BCAS3: variants seen among roughly 807,000 people sequenced by gnomAD.
BCAS3 encodes BCAS3 microtubule associated cell migration factor.
In BCAS3, 53 loss-of-function variants were observed where a neutral mutation model predicts 116.1. The observed-to-expected ratio is 0.46, with a 90% confidence interval of 0.37 to 0.57. The LOEUF (loss-of-function observed/expected upper bound fraction) is 0.57. Ranked by LOEUF, BCAS3 falls within the 20% of genes least tolerant of loss-of-function variation. The pLI, the probability that BCAS3 is intolerant of heterozygous loss-of-function variation, is 0.00. For missense variants in BCAS3, 917 were observed against 1,165.4 expected (o/e 0.79, Z 3.10); for synonymous variants, 391 against 408.2 (o/e 0.96, Z 0.51).
In BCAS3 at chr17:61,281,724, A is replaced by G. The variant is rs1460088727; in HGVS notation, c.2426-86603A>G. Among the ~76,000 whole-genome samples the G allele has an allele frequency of 6.6e-6, 1 of 152,068 alleles. No individual in the cohort carries two copies. Among genetic ancestry groups the G allele is most frequent in the Non-Finnish European group, 1.5e-5 (1 of 68,022 alleles). ...TATATACTAAGCAAATTAGCACTCT[A>G]TCATATATATTATAAATATTTTTCC... is the stretch of plus-strand genomic sequence containing the variant. On this transcript the variant is annotated intron_variant, in intron 22 of 23. Coordinates refer to ENST00000407086, the MANE Select transcript of BCAS3 (RefSeq NM_017679.5). This position sits in a 1 kb window ranked among gnomAD's most constrained non-coding sequence, Gnocchi z 4.2.
chr17:61,048,462 G>A (rs1371595324), intron 19 of BCAS3, among the ~76,000 whole-genome samples: 1 of 151,968 alleles, frequency 6.6e-6, no homozygotes, highest in Non-Finnish European at 1.5e-5. Context: ...GAAACCCAGG[G>A]AACTCCCTCA....
Position 61,309,257 on chromosome 17 carries a change from CA to C in BCAS3, c.2426-59068del, listed in dbSNP as rs531894111. Among the ~76,000 whole-genome samples, 3 of 152,302 alleles carry C rather than the reference CA, an allele frequency of 2.0e-5. No individual in the cohort carries two copies. In the South Asian group the frequency reaches 6.2e-4, roughly 32 times the overall value. ...TGATTTGCAAACACCTCAAAATTGT[CA>C]AGATGGAAAAGAGACCCAGAGTCCC... On this transcript the variant is annotated intron_variant, in intron 22 of 23. Coordinates refer to ENST00000407086, the MANE Select transcript of BCAS3 (RefSeq NM_017679.5). This position sits in a 1 kb window ranked among gnomAD's most constrained non-coding sequence, Gnocchi z 4.6.
intron 7 of BCAS3, chr17:60,851,371 C>G (rs1236843945): frequency 2.7e-6 from 1 of 364,298 alleles, no homozygotes; most frequent in East Asian, 8.6e-5. Context: ...CACGTCCTCC[C>G]CGCCACCAGG....
chr17:61,192,672 T>G (rs1277947559), intron 22 of BCAS3, among the ~76,000 whole-genome samples: 1 of 152,214 alleles, frequency 6.6e-6, no homozygotes, highest in Non-Finnish European at 1.5e-5. Flanking sequence ...CAGTGGCAGT[T>G]TACCACTGTC....
chr17:60,808,687 C>T (rs1165791424), intron 7 of BCAS3, among the ~76,000 whole-genome samples: 11 of 152,082 alleles, frequency 7.2e-5, no homozygotes, highest in Admixed American at 6.5e-4. Context: ...AGCACTTTGC[C>T]GGGTGTAGGA....
chr17:61,055,277 A>G (rs1264611340), intron 19 of BCAS3, among the ~76,000 whole-genome samples: 1 of 152,218 alleles, frequency 6.6e-6, no homozygotes, highest in Non-Finnish European at 1.5e-5. Flanking sequence ...GAATGCTACA[A>G]CTGTCTGCTG....
rs1343996331 is a variant in BCAS3, at chr17:61,347,742, G to A, written c.2426-20585G>A. Among the ~76,000 whole-genome samples the A allele has an allele frequency of 2.0e-5, 3 of 152,276 alleles. No homozygotes were observed. The highest frequency in any genetic ancestry group is 6.5e-5 in the Admixed American group (1 of 15,296). On this transcript the variant is annotated intron_variant, in intron 22 of 23. Transcript: ENST00000407086. This position sits in a 1 kb window ranked among gnomAD's most constrained non-coding sequence, Gnocchi z 4.3. ...GTAAGCCTAGGGTGTTGTGGGGGCC[G>A]GTAGGAAGACCTAAGTCAGACCCAG...
intron 22 of BCAS3, among the ~76,000 whole-genome samples, chr17:61,292,205 C>G (rs1481357772): frequency 6.6e-6 from 1 of 152,030 alleles, no homozygotes; most frequent in Non-Finnish European, 1.5e-5. Flanking sequence ...TAGGATCACC[C>G]CAATGTTTTC....
chr17:61,146,183 T>C (rs1236801095), intron 22 of BCAS3, among the ~76,000 whole-genome samples: 2 of 151,050 alleles, frequency 1.3e-5, no homozygotes, highest in African/African-American at 4.9e-5. Flanking sequence ...CACGGCTCAC[T>C]GCAACCTCCA....
chr17:60,945,728 G>C (rs915401508), intron 13 of BCAS3, among the ~76,000 whole-genome samples: 4 of 151,974 alleles, frequency 2.6e-5, no homozygotes, highest in African/African-American at 9.7e-5. Context: ...TTGAACCCAG[G>C]AAGTGGAGGT....
chr17:60,786,602 A>G (rs1032918713), intron 6 of BCAS3, among the ~76,000 whole-genome samples: 2 of 151,314 alleles, frequency 1.3e-5, no homozygotes, highest in African/African-American at 4.9e-5. Context: ...GAAGTATAAA[A>G]TCTATGTATA....
At chr17:61,305,008 C>T (rs774023348) in intron 22 of BCAS3, among the ~76,000 whole-genome samples, 8 of 152,188 alleles carry the variant, frequency 5.3e-5, no homozygotes, top group South Asian at 2.1e-4. Flanking sequence ...CCGCCCGCCT[C>T]GGCCTCCCAA....
intron 16 of BCAS3, among the ~76,000 whole-genome samples, chr17:61,025,048 A>G (rs980309371): frequency 6.6e-6 from 1 of 152,086 alleles, no homozygotes; most frequent in Non-Finnish European, 1.5e-5. Context: ...GTTGTATACT[A>G]TATGACAACG....
intron 6 of BCAS3, among the ~76,000 whole-genome samples, chr17:60,795,656 C>A (rs973027416): frequency 6.6e-6 from 1 of 152,138 alleles, no homozygotes; most frequent in Non-Finnish European, 1.5e-5. Context: ...AATGCTTTTT[C>A]TGCATCTATT....
chr17:60,696,724 C>A (rs576978684), intron 4 of BCAS3: 1 of 152,358 alleles, frequency 6.6e-6, no homozygotes, highest in African/African-American at 2.4e-5. Flanking sequence ...ACTCTGATTT[C>A]TTTTCCCATC....
chr17:61,018,606 A>G (rs2065652953), intron 16 of BCAS3, among the ~76,000 whole-genome samples: 1 of 151,966 alleles, frequency 6.6e-6, no homozygotes, highest in South Asian at 2.1e-4. Context: ...CCGGCCCCAA[A>G]TGTTAATAGA....
intron 22 of BCAS3, among the ~76,000 whole-genome samples, chr17:61,288,568 C>T (rs1602436757): frequency 6.6e-6 from 1 of 152,186 alleles, no homozygotes; most frequent in East Asian, 1.9e-4. Context: ...AAGTTCAGCC[C>T]AAGACCTTGA....
intron 14 of BCAS3, among the ~76,000 whole-genome samples, chr17:60,969,836 C>T (rs2061856785): frequency 6.6e-6 from 1 of 152,180 alleles, no homozygotes; most frequent in Non-Finnish European, 1.5e-5. Flanking sequence ...ACACTATTGA[C>T]TTCTCACTGG....
Position 61,278,462 on chromosome 17 carries a change from A to T in BCAS3, c.2426-89865A>T, listed in dbSNP as rs1286595319. On this transcript the variant is annotated intron_variant, in intron 22 of 23. Coordinates refer to ENST00000407086, the MANE Select transcript of BCAS3 (RefSeq NM_017679.5). The surrounding 1 kb of genome is among the most constrained non-coding windows in gnomAD (Gnocchi z 5.8). ...AGTGCTGGGTTTACAGGTGTGTGCC[A>T]CCATGCCCAGCCTCTATCAACTGTT... Among the ~76,000 whole-genome samples, 1 of 152,156 alleles carries T rather than the reference A, an allele frequency of 6.6e-6. No homozygotes were observed. The highest frequency in any genetic ancestry group is 1.5e-5 in the Non-Finnish European group (1 of 68,028).
Sources: gnomAD v4.1 joint callset for allele counts (sites outside exome capture counted in the v4.1 genomes callset) on GRCh38, gnomAD v4.1.1 for gene constraint, Gnocchi (gnomAD v3.1) non-coding constraint, MANE v1.5 for transcripts, NCBI Gene and HGNC (gene_info 2026-07-23, HGNC 2026-07-21) for gene names.